FAR2: variants seen among roughly 807,000 people sequenced by gnomAD.
FAR2 encodes fatty acyl-CoA reductase 2, also known as epididymis secretory protein Li 81.
A neutral mutation model predicts 56.0 loss-of-function variants in FAR2; 19 were observed. The ratio of observed to expected loss-of-function variants is 0.34; its 90% CI spans 0.24 to 0.50. FAR2 has a LOEUF of 0.50. Ranked by LOEUF, FAR2 falls within the 20% of genes least tolerant of loss-of-function variation. FAR2 has a pLI of 0.98. For synonymous variants in FAR2, 219 were observed against 218.8 expected (o/e 1.00, Z -0.01); for missense variants, 508 against 642.2 (o/e 0.79, Z 2.26).
At position 29,321,856 on chromosome 12, in the gene FAR2, C is replaced by T. The variant is rs1476853287; in HGVS notation, c.1189C>T (p.Arg397Trp). 3.7e-6 allele frequency: 6 copies of T among 1,613,630 alleles called. No homozygotes were observed. The highest frequency in any genetic ancestry group is 4.5e-5 in the East Asian group (2 of 44,874). Residue 397 changes from arginine (R) to tryptophan (W), a missense_variant, in exon 10 of 12, where the codon CGG (arginine) becomes TGG (tryptophan). Transcript: ENST00000536681. ...TVSMLEYFINRSWEWSTYNTE... is the reference protein window; with the variant it reads ...TVSMLEYFINWSWEWSTYNTE... Reference sequence around the variant, plus strand: ...TTCCATGTTGGAGTATTTCATCAACCGGAGTTGGGAATGGAGCACGTACAA... The same window carrying T: ...TTCCATGTTGGAGTATTTCATCAACTGGAGTTGGGAATGGAGCACGTACAA...
At chr12:29,235,367 C>T (rs771244025) in intron 1 of FAR2, among the ~76,000 whole-genome samples, 11 of 152,308 alleles carry the variant, frequency 7.2e-5, no homozygotes, top group Non-Finnish European at 1.5e-4. Flanking sequence ...ATTTTCGCTG[C>T]AGTCCATGCT....
intron 1 of FAR2, among the ~76,000 whole-genome samples, chr12:29,158,355 G>C (rs1949750436): frequency 6.6e-6 from 1 of 152,172 alleles, no homozygotes; most frequent in Non-Finnish European, 1.5e-5. Context: ...AGAGTTTTCT[G>C]GGGATTGAGA....
intron 6 of FAR2, among the ~76,000 whole-genome samples, chr12:29,310,313 C>T (rs1949325975): frequency 6.6e-6 from 1 of 152,136 alleles, no homozygotes; most frequent in Admixed American, 6.6e-5. Context: ...AACTGAGTAA[C>T]ATAAGAAAGT....
At chr12:29,178,121 A>T (rs35643096) in intron 1 of FAR2, among the ~76,000 whole-genome samples, 275 of 152,270 alleles carry the variant, frequency 1.8e-3, no homozygotes, top group Non-Finnish European at 2.5e-3. Context: ...GTCACTGTAA[A>T]ATTAATAGTC....
intron 1 of FAR2, among the ~76,000 whole-genome samples, chr12:29,180,810 C>G (rs1229726935): frequency 1.3e-5 from 2 of 151,958 alleles, no homozygotes; most frequent in African/African-American, 2.4e-5. Context: ...TCCATTCATA[C>G]TCACAAAATA....
rs192867280 is a variant in FAR2, at chr12:29,169,698, G to C, written c.-39+20291G>C. 8.9e-4 allele frequency among the ~76,000 whole-genome samples: 136 copies of C among 152,346 alleles called. 1 individual carries two copies. The East Asian group carries it at 0.014, about 16-fold the overall frequency. On this transcript the variant is annotated intron_variant, in intron 1 of 11. Transcript: ENST00000536681. ...AGGTCTAGGCCTTGGCGGTTTTGGAGAGTCACTGCTGCCAAAGAGTCTATT... is the reference window on the plus strand; with the variant it reads ...AGGTCTAGGCCTTGGCGGTTTTGGACAGTCACTGCTGCCAAAGAGTCTATT...
intron 5 of FAR2, among the ~76,000 whole-genome samples, chr12:29,308,709 C>CATATATATATATATATATATATATATAT (rs1428996085): frequency 3.9e-5 from 4 of 103,686 alleles, no homozygotes; most frequent in African/African-American, 1.7e-4. Context: ...CACACACACA[C>CATATATATATATATATATATATATATAT]ACACACACAC....
chr12:29,273,379 G>A (rs539514909), intron 2 of FAR2, among the ~76,000 whole-genome samples: 2 of 152,052 alleles, frequency 1.3e-5, no homozygotes, highest in East Asian at 1.9e-4. Flanking sequence ...CCCCACCAAC[G>A]AGGAAGGATG....
intron 1 of FAR2, among the ~76,000 whole-genome samples, chr12:29,190,688 C>T (rs1404424526): frequency 6.6e-6 from 1 of 152,034 alleles, no homozygotes; most frequent in African/African-American, 2.4e-5. Context: ...TGGTCTCCAT[C>T]TCCTGACCTG....
Position 29,265,886 on chromosome 12 carries a change from T to A in FAR2, c.-38-4526T>A, listed in dbSNP as rs543733462. ...AATAGACATTTCCCAAAAGAAGACA[T>A]ACAAATGGACAACAGGTTTATGAAA... On this transcript the variant is annotated intron_variant, in intron 1 of 11. Coordinates refer to ENST00000536681, the MANE Select transcript of FAR2 (RefSeq NM_001271783.2). Among the ~76,000 whole-genome samples, 3 of 152,154 alleles carry A rather than the reference T, an allele frequency of 2.0e-5. No individual in the cohort carries two copies. The South Asian group carries it at 6.2e-4, about 32-fold the overall frequency.
At chr12:29,323,197 G>C (rs1949581827) in intron 10 of FAR2, among the ~76,000 whole-genome samples, 1 of 152,198 alleles carries the variant, frequency 6.6e-6, no homozygotes, top group Non-Finnish European at 1.5e-5. Context: ...GTGAGGCTGG[G>C]GGAGGCACGC....
chr12:29,180,871 T>C (rs1027093159), intron 1 of FAR2, among the ~76,000 whole-genome samples: 3 of 152,148 alleles, frequency 2.0e-5, no homozygotes, highest in Admixed American at 6.5e-5. Flanking sequence ...GGTTTTCTCA[T>C]TTTCTTCTCA....
intron 9 of FAR2, 62 bp from the exon 10 acceptor site, chr12:29,321,733 T>A: frequency 1.9e-6 from 3 of 1,575,104 alleles, no homozygotes; most frequent in Non-Finnish European, 2.6e-6. Context: ...TTCTCATACA[T>A]CCCTGTAGAG....
intron 5 of FAR2, among the ~76,000 whole-genome samples, chr12:29,308,621 C>T (rs1237297209): frequency 6.6e-6 from 1 of 151,358 alleles, no homozygotes; most frequent in African/African-American, 2.4e-5. Context: ...AACACATTTC[C>T]CTCTAGCTGC....
intron 2 of FAR2, among the ~76,000 whole-genome samples, chr12:29,273,785 C>G (rs1037794032): frequency 2.0e-5 from 3 of 152,220 alleles, no homozygotes; most frequent in Non-Finnish European, 4.4e-5. Context: ...GCCTGGGTTC[C>G]GGAGTGGGCT....
chr12:29,245,804 A>G (rs997376582), intron 1 of FAR2, among the ~76,000 whole-genome samples: 5 of 152,144 alleles, frequency 3.3e-5, no homozygotes, highest in Non-Finnish European at 5.9e-5. Context: ...TTCTACAGCC[A>G]TACTTTGCAC....
chr12:29,261,657 C>T (rs989201333), intron 1 of FAR2, among the ~76,000 whole-genome samples: 17 of 152,100 alleles, frequency 1.1e-4, no homozygotes, highest in Non-Finnish European at 1.5e-5. Flanking sequence ...GATAAAGGAT[C>T]CTAAAAGCAG....
At chr12:29,324,544 T>A (rs1042242379) in intron 10 of FAR2, among the ~76,000 whole-genome samples, 8 of 152,146 alleles carry the variant, frequency 5.3e-5, no homozygotes, top group African/African-American at 4.8e-5. Flanking sequence ...GACTAACAGA[T>A]GATCTCTCGG....
intron 1 of FAR2, among the ~76,000 whole-genome samples, chr12:29,269,170 C>T (rs1948570820): frequency 6.6e-6 from 1 of 152,132 alleles, no homozygotes; most frequent in Non-Finnish European, 1.5e-5. Context: ...GTCTATTTCA[C>T]CCCTAGAGTC....
Sources: gnomAD v4.1 joint callset for allele counts (sites outside exome capture counted in the v4.1 genomes callset) on GRCh38, gnomAD v4.1.1 for gene constraint, MANE v1.5 for transcripts, NCBI Gene and HGNC (gene_info 2026-07-23, HGNC 2026-07-21) for gene names.